TBCE: variants seen among roughly 807,000 people sequenced by gnomAD.
The protein encoded by TBCE is tubulin-specific chaperone E.
Under a neutral mutation model 77.0 loss-of-function variants are expected in TBCE, and 53 were observed. That is an observed-to-expected ratio of 0.69 (90% CI 0.55 to 0.87). The LOEUF (loss-of-function observed/expected upper bound fraction) is 0.87. TBCE is among the 40% of genes least tolerant of loss of function. The pLI, the probability that TBCE is intolerant of heterozygous loss-of-function variation, is 0.00. For missense variants in TBCE, 624 were observed against 622.4 expected, an observed-to-expected ratio of 1.00 and a Z score of -0.03; for synonymous variants, 235 against 241.3, an observed-to-expected ratio of 0.97 and a Z score of 0.24.
rs1307483777 is a variant in TBCE, at chr1:235,447,530, A to ATACAG, written c.1400-818_1400-817insACAGT. Among the ~76,000 whole-genome samples, 32 of 152,322 alleles carry ATACAG rather than the reference A, an allele frequency of 2.1e-4. No homozygotes were observed. In the South Asian group the frequency reaches 4.8e-3, roughly 23 times the overall value. ...GTTTAATACAGTTACACATGATGTA[A>ATACAG]TTACAGAATGGCGGCGCTGGAAGGG... On this transcript the variant is annotated intron_variant, in intron 15 of 16. Coordinates refer to ENST00000642610, the MANE Select transcript of TBCE (RefSeq NM_003193.5).
intron 3 of TBCE, among the ~76,000 whole-genome samples, chr1:235,412,790 C>G (rs1223823043): frequency 2.7e-5 from 4 of 147,630 alleles, no homozygotes; most frequent in Non-Finnish European, 1.5e-5. Context: ...TAGTTTTCAT[C>G]CTTTTCAATT....
chr1:235,414,991 C>T (rs780097420), intron 4 of TBCE: 46 of 300,154 alleles, frequency 1.5e-4, no homozygotes, highest in Non-Finnish European at 2.5e-4. Context: ...TGCCGTGGAG[C>T]GTGCTGGTGC....
rs114224265 is a variant in TBCE at position 235,442,666 on chromosome 1, G to A, written c.1340-186G>A. Among the ~76,000 whole-genome samples, 1,052 of 152,238 alleles carry A rather than the reference G, an allele frequency of 6.9e-3. 12 individuals carry two copies. Among genetic ancestry groups the A allele is most frequent in the African/African-American group, 0.024 (1,001 of 41,512 alleles). On this transcript the variant is annotated intron_variant, in intron 14 of 16. Coordinates refer to ENST00000642610, the MANE Select transcript of TBCE (RefSeq NM_003193.5). ...CTAAGTGGGGAAAAGGGAAAGTATT[G>A]TCCAGCTATTTCTGTTGTTGTTAGC...
chr1:235,407,524 C>T (rs888108171), intron 3 of TBCE, among the ~76,000 whole-genome samples: 7 of 152,112 alleles, frequency 4.6e-5, no homozygotes, highest in Admixed American at 6.6e-5. Flanking sequence ...CTTAGAGTCA[C>T]GGCAGATTGT....
intron 1 of TBCE, 80 bp downstream of exon 1, chr1:235,367,584 C>T (rs541423371): frequency 6.5e-6 from 1 of 152,834 alleles, no homozygotes; most frequent in East Asian, 1.9e-4. Context: ...TTGGCCTTTT[C>T]TTCCTTTCCT....
chr1:235,442,269 C>T (rs948904930), intron 14 of TBCE, among the ~76,000 whole-genome samples: 5 of 152,178 alleles, frequency 3.3e-5, no homozygotes, highest in African/African-American at 1.2e-4. Flanking sequence ...CTCCCGGGTT[C>T]AAGCGATTTT....
chr1:235,430,810 C>T lies in TBCE; in HGVS notation c.660+6C>T. 1 of 1,608,618 alleles carries T rather than the reference C, an allele frequency of 6.2e-7. No individual in the cohort carries two copies. Among genetic ancestry groups the T allele is most frequent in the Non-Finnish European group, 8.5e-7 (1 of 1,175,494 alleles). ...CAGGAATAACGTGGGCTGAGGTAAT[C>T]ATATTTCTTTGTTTTATTACACATT... On this transcript the variant is annotated splice_donor_region_variant and intron_variant, in intron 7 of 16. Transcript: ENST00000642610.
Position 235,450,136 on chromosome 1 carries a change from A to C in TBCE, c.*1374A>C. On this transcript the variant is annotated 3_prime_UTR_variant, in exon 17 of 17. Coordinates refer to ENST00000642610, the MANE Select transcript of TBCE (RefSeq NM_003193.5). ...ATACAGTCTACTGCTAAACCCTGGGACTCCTCAGACTTGCACTCAGATTAT... is the reference window on the plus strand; with the variant it reads ...ATACAGTCTACTGCTAAACCCTGGGCCTCCTCAGACTTGCACTCAGATTAT... The C allele has an allele frequency of 6.4e-7, 1 of 1,568,172 alleles. No individual in the cohort carries two copies. Among genetic ancestry groups the C allele is most frequent in the Non-Finnish European group, 8.8e-7 (1 of 1,141,302 alleles).
Position 235,373,806 on chromosome 1 carries a change from G to T in TBCE, c.-31-6213G>T, listed in dbSNP as rs750623548. 8.3e-5 allele frequency among the ~76,000 whole-genome samples: 12 copies of T among 145,174 alleles called. 1 individual carries two copies. The highest frequency in any genetic ancestry group is 1.5e-4 in the Non-Finnish European group (10 of 66,200). ...TGGGACTACAAGCGCCCGCCACCAC[G>T]CCTGGCTAATTTTTTTGTATTTTTA... On this transcript the variant is annotated intron_variant, in intron 1 of 16. Transcript: ENST00000642610.
At chr1:235,440,935 C>G (rs990345449) in intron 13 of TBCE, 40 of 152,294 alleles carry the variant, frequency 2.6e-4, no homozygotes, top group African/African-American at 9.1e-4. Context: ...CCACATTTCG[C>G]TTTTATGTTA....
intron 1 of TBCE, among the ~76,000 whole-genome samples, chr1:235,372,922 TAAAA>T (rs71174418): frequency 2.1e-4 from 16 of 76,200 alleles, no homozygotes; most frequent in African/African-American, 7.2e-4. Flanking sequence ...AGACTCCGTC[TAAAA>T]AAAAAAAAAA....
chr1:235,437,275 G>A lies in TBCE; in HGVS notation c.964-47G>A, dbSNP rs6697653. 0.02 allele frequency: 32,954 copies of A among 1,613,090 alleles called. 705 individuals carry two copies. Among genetic ancestry groups the A allele is most frequent in the African/African-American group, 0.11 (7,879 of 75,000 alleles). On this transcript the variant is annotated intron_variant, in intron 11 of 16. Coordinates refer to ENST00000642610, the MANE Select transcript of TBCE (RefSeq NM_003193.5). Reference sequence around the variant, plus strand: ...TGCTGGTTCAAACTTCTGCAAAAGTGGCATGAACGTACCGCTTTTCATTTA... The same window carrying A: ...TGCTGGTTCAAACTTCTGCAAAAGTAGCATGAACGTACCGCTTTTCATTTA...
chr1:235,397,502 C>T (rs142757345), intron 2 of TBCE, among the ~76,000 whole-genome samples: 3 of 152,264 alleles, frequency 2.0e-5, no homozygotes, highest in African/African-American at 7.2e-5. Context: ...CGTAAGCCAC[C>T]GCGTCCGGCA....
chr1:235,401,566 G>A lies in TBCE; in HGVS notation c.164G>A (p.Gly55Glu). The A allele has an allele frequency of 6.2e-7, 1 of 1,613,680 alleles. No individual in the cohort carries two copies. The highest frequency in any genetic ancestry group is 8.5e-7 in the Non-Finnish European group (1 of 1,179,782). ...GGAAAGCATGATGGGAGCCACGAAGGGACTGTGTATTTTAAATGCAGGTAA... is the reference window on the plus strand; with the variant it reads ...GGAAAGCATGATGGGAGCCACGAAGAGACTGTGTATTTTAAATGCAGGTAA... The part of the protein sequence containing the change: ...ERGKHDGSHE[G>E]TVYFKCRHPT... Residue 55 changes from glycine (G) to glutamate (E), a missense_variant, in exon 3 of 17, where the codon GGG becomes GAG. Coordinates refer to ENST00000642610, the MANE Select transcript of TBCE (RefSeq NM_003193.5).
intron 12 of TBCE, 64 bp downstream of exon 12, chr1:235,437,538 G>T: frequency 6.3e-7 from 1 of 1,586,834 alleles, no homozygotes. Context: ...TAGGCCAGGC[G>T]CCGTGGCTCA....
Position 235,427,233 on chromosome 1 carries a change from A to C in TBCE, c.554A>C (p.Asn185Thr), listed in dbSNP as rs1347378907. 6.2e-7 allele frequency: 1 copy of C among 1,607,300 alleles called. No homozygotes were observed. The highest frequency in any genetic ancestry group is 1.3e-5 in the African/African-American group (1 of 74,752). Residue 185 changes from asparagine to threonine, a missense_variant, in exon 6 of 17, where the codon AAT (asparagine) becomes ACT (threonine). Physicochemically the swap from Asn to Thr is moderately conservative, Grantham distance 65. Coordinates refer to ENST00000642610, the MANE Select transcript of TBCE (RefSeq NM_003193.5). ...CAGCTCAGACACCTGGAAGTCCTTA[A>C]TGTCAGGTATGAACTCTTGGTTGCT... The part of the protein sequence containing the change: ...ADQLRHLEVL[N>T]VSENKLKFPS...
chr1:235,409,084 A>G (rs897374163), intron 3 of TBCE, among the ~76,000 whole-genome samples: 10 of 147,730 alleles, frequency 6.8e-5, no homozygotes, highest in African/African-American at 2.3e-4. Flanking sequence ...TTTGCTGTTT[A>G]TCTGAAATAC....
intron 15 of TBCE, 129 bp from the exon 16 acceptor site, chr1:235,448,220 C>CAAAAAA (rs59405398): frequency 6.6e-5 from 35 of 530,984 alleles, no homozygotes; most frequent in African/African-American, 2.2e-4. Context: ...AAGTCAGTCT[C>CAAAAAA]AAAAAAAAAA....
Position 235,448,674 on chromosome 1 carries a change from C to T in TBCE, c.1496C>T (p.Pro499Leu), listed in dbSNP as rs776965318. The change falls in exon 17 of 17, where the codon CCG becomes CTG. Residue 499 changes from proline (P) to leucine (L), a missense_variant. By Grantham distance (98) the Pro-to-Leu change is moderately conservative. Transcript: ENST00000642610. ...LLLSYESPKKPGREIELENDL... is the reference protein window; with the variant it reads ...LLLSYESPKKLGREIELENDL... ...CCACCTTCGTTCTAATTTTAGAAGC[C>T]GGGCAGAGAAATCGAGCTGGAAAAT... is the stretch of plus-strand genomic sequence containing the variant. The T allele has an allele frequency of 3.2e-5, 52 of 1,613,246 alleles. No homozygotes were observed. Among genetic ancestry groups the T allele is most frequent in the Non-Finnish European group, 3.8e-5 (45 of 1,179,510 alleles).
Sources: gnomAD v4.1 joint callset for allele counts (sites outside exome capture counted in the v4.1 genomes callset) on GRCh38, gnomAD v4.1.1 for gene constraint, MANE v1.5 for transcripts, NCBI Gene and HGNC (gene_info 2026-07-23, HGNC 2026-07-21) for gene names.